Variants in TIMMDC1 observed in about 807,000 individuals in gnomAD.
TIMMDC1 encodes the protein translocase of inner mitochondrial membrane domain containing 1, also known as complex I assembly factor TIMMDC1, mitochondrial.
TIMMDC1 carries 25 observed loss-of-function variants against 32.6 expected under a neutral mutation model. The observed-to-expected ratio is 0.77, with a 90% confidence interval of 0.56 to 1.07. TIMMDC1 has a LOEUF of 1.07. TIMMDC1 is among the 50% of genes least tolerant of loss of function. The probability of loss-of-function intolerance (pLI) is 0.00; values close to 1 mark genes in which losing one functional copy is unlikely to be tolerated. For synonymous variants in TIMMDC1, 130 were observed against 127.6 expected (o/e 1.02, Z -0.13); for missense variants, 329 against 349.2 (o/e 0.94, Z 0.46).
chr3:119,500,647 A>T (rs766627153), intron 1 of TIMMDC1, 48 bp from the exon 2 acceptor site: 2 of 1,549,052 alleles, frequency 1.3e-6, no homozygotes, highest in East Asian at 4.5e-5. Flanking sequence ...CTTGGAGAGC[A>T]ATGTCCATAA....
intron 2 of TIMMDC1, among the ~76,000 whole-genome samples, chr3:119,501,262 T>A (rs1294296326): frequency 3.3e-5 from 5 of 152,268 alleles, no homozygotes; most frequent in Non-Finnish European, 7.3e-5. Flanking sequence ...TCATTAGATC[T>A]GTACATCAGT....
At chr3:119,517,487 A>G (rs2081993585) in intron 6 of TIMMDC1, among the ~76,000 whole-genome samples, 172 bp downstream of exon 6, 1 of 152,234 alleles carries the variant, frequency 6.6e-6, no homozygotes, top group Non-Finnish European at 1.5e-5. Flanking sequence ...TTTAAGGAGA[A>G]TGGAAAAATG....
At chr3:119,501,607 G>GT (rs1206565904) in intron 2 of TIMMDC1, among the ~76,000 whole-genome samples, 12 of 152,150 alleles carry the variant, frequency 7.9e-5, no homozygotes, top group African/African-American at 2.9e-4. Flanking sequence ...TTAAAGACCT[G>GT]TAAATTTTGC....
intron 2 of TIMMDC1, 69 bp downstream of exon 2, chr3:119,500,929 C>G (rs1350722725): frequency 6.7e-7 from 1 of 1,485,346 alleles, no homozygotes; most frequent in Non-Finnish European, 9.2e-7. Flanking sequence ...CTTAATCATT[C>G]AATTAGGTTG....
At chr3:119,500,354 C>G in intron 1 of TIMMDC1, 1 of 177,822 alleles carries the variant, frequency 5.6e-6, no homozygotes, top group Non-Finnish European at 1.2e-5. Flanking sequence ...AAAAATGTGC[C>G]TAAGTATACT....
intron 5 of TIMMDC1, among the ~76,000 whole-genome samples, chr3:119,514,661 T>A (rs2081973960): frequency 6.6e-6 from 1 of 152,206 alleles, no homozygotes; most frequent in Non-Finnish European, 1.5e-5. Flanking sequence ...TTATAAGTAA[T>A]ATTAACTTTA....
Position 119,503,608 on chromosome 3 carries a change from T to C in TIMMDC1, c.437T>C (p.Val146Ala), listed in dbSNP as rs780162154. The change falls in exon 3 of 7, where the codon GTG becomes GCG. Residue 146 changes from valine (V) to alanine (A), a missense_variant. By Grantham distance (64) the Val-to-Ala change is moderately conservative. Transcript: ENST00000494664. ...TGGGGTTGGAGAACTGCAGTGTTTG[T>C]GACTATATTCAAGTAAGTTCACTCT... ...WRWGWRTAVF[V>A]TIFNTVNTSL... The C allele has an allele frequency of 1.9e-6, 3 of 1,609,734 alleles. No homozygotes were observed. In the African/African-American group the frequency reaches 4.0e-5, roughly 22 times the overall value.
intron 2 of TIMMDC1, among the ~76,000 whole-genome samples, chr3:119,502,157 A>C (rs185930693): frequency 1.3e-5 from 2 of 152,172 alleles, no homozygotes; most frequent in African/African-American, 4.8e-5. Context: ...ATAAACTATA[A>C]TATTTCTACT....
chr3:119,503,838 C>A, intron 3 of TIMMDC1, 116 bp from the exon 4 acceptor site: 1 of 926,378 alleles, frequency 1.1e-6, no homozygotes, highest in Non-Finnish European at 1.6e-6. Flanking sequence ...AGGCTAGGAA[C>A]AGGGATTGAT....
Position 119,500,959 on chromosome 3 carries a change from T to C in TIMMDC1, c.360+99T>C, listed in dbSNP as rs897107076. On this transcript the variant is annotated intron_variant, in intron 2 of 6. Transcript: ENST00000494664. Reference sequence around the variant, plus strand: ...AGGTTGTGGGGATGGAGGGTTGTTTTAAGGTGTCAGAGTAAAGAAATAAAG... The same window carrying C: ...AGGTTGTGGGGATGGAGGGTTGTTTCAAGGTGTCAGAGTAAAGAAATAAAG... The C allele has an allele frequency of 2.4e-6, 3 of 1,244,922 alleles. No individual in the cohort carries two copies. The African/African-American group carries it at 4.5e-5, about 19-fold the overall frequency. 77.1% of individuals were successfully genotyped at this position (1,244,922 alleles called of 1,614,324 possible).
intron 6 of TIMMDC1, 53 bp from the exon 7 acceptor site, chr3:119,523,553 A>G: frequency 1.4e-6 from 2 of 1,479,094 alleles, no homozygotes; most frequent in Non-Finnish European, 1.8e-6. Flanking sequence ...TTAAATCTGT[A>G]AGAACTAAAG....
chr3:119,520,966 C>T (rs1194727351), intron 6 of TIMMDC1, among the ~76,000 whole-genome samples: 1 of 151,914 alleles, frequency 6.6e-6, no homozygotes, highest in Non-Finnish European at 1.5e-5. Flanking sequence ...ATCATATAAA[C>T]AGAAGGAAGG....
chr3:119,514,036 C>T (rs2081970860), intron 5 of TIMMDC1, among the ~76,000 whole-genome samples: 1 of 152,122 alleles, frequency 6.6e-6, no homozygotes, highest in Non-Finnish European at 1.5e-5. Context: ...ATATTGCTAA[C>T]ACCTGAAACT....
At chr3:119,522,737 A>G (rs1163027159) in intron 6 of TIMMDC1, among the ~76,000 whole-genome samples, 4 of 152,178 alleles carry the variant, frequency 2.6e-5, no homozygotes, top group Non-Finnish European at 5.9e-5. Context: ...CTTGAATCAT[A>G]GTAATGAAAG....
At chr3:119,518,447 T>C (rs9882441) in intron 6 of TIMMDC1, among the ~76,000 whole-genome samples, 10 of 151,572 alleles carry the variant, frequency 6.6e-5, no homozygotes, top group African/African-American at 2.4e-4. Context: ...TGTAGGTCCA[T>C]CATCCAAGGA....
At chr3:119,513,835 T>A in intron 5 of TIMMDC1, 116 bp downstream of exon 5, 1 of 644,880 alleles carries the variant, frequency 1.6e-6, no homozygotes, top group South Asian at 2.3e-5. Flanking sequence ...CTATAAAAGA[T>A]CTCTAGTCTT....
At chr3:119,504,155 A>G (rs1289873595) in intron 4 of TIMMDC1, 134 bp downstream of exon 4, 9 of 660,372 alleles carry the variant, frequency 1.4e-5, no homozygotes, top group Non-Finnish European at 2.4e-5. Flanking sequence ...TGCAAAATGT[A>G]TTTATGGACA....
chr3:119,504,002 C>T lies in TIMMDC1; in HGVS notation c.498C>T (p.Ser166=), dbSNP rs2081899057. ...TATACCGAAATAAAGATGCCTTAAG[C>T]CATTTTGTAATTGCAGGAGGTAAGA... ...LNVYRNKDAL[S]HFVIAGAVTG... Residue 166 remains serine (S), a synonymous_variant, in exon 4 of 7, where the codon AGC becomes AGT. Coordinates refer to ENST00000494664, the MANE Select transcript of TIMMDC1 (RefSeq NM_016589.4). The T allele has an allele frequency of 6.2e-7, 1 of 1,612,864 alleles. No individual in the cohort carries two copies. The highest frequency in any genetic ancestry group is 8.5e-7 in the Non-Finnish European group (1 of 1,179,128).
In TIMMDC1 at chr3:119,498,723, G is replaced by A; in HGVS notation, c.-11G>A. On this transcript the variant is annotated 5_prime_UTR_variant, in exon 1 of 7. Coordinates refer to ENST00000494664, the MANE Select transcript of TIMMDC1 (RefSeq NM_016589.4). The stretch of plus-strand genomic sequence containing the variant: ...GAGCGCTCAAGTTTGTCCGTAGGTC[G>A]AGAGAAGGCCATGGAGGTGCCGCCA... 1 of 1,613,540 alleles carries A rather than the reference G, an allele frequency of 6.2e-7. No homozygotes were observed. The highest frequency in any genetic ancestry group is 8.5e-7 in the Non-Finnish European group (1 of 1,179,724).
Sources: gnomAD v4.1 joint callset for allele counts (sites outside exome capture counted in the v4.1 genomes callset) on GRCh38, gnomAD v4.1.1 for gene constraint, MANE v1.5 for transcripts, NCBI Gene and HGNC (gene_info 2026-07-23, HGNC 2026-07-21) for gene names.